Variants in PPARGC1B observed in about 807,000 individuals in gnomAD.
PPARGC1B encodes the protein PPARG coactivator 1 beta.
In PPARGC1B, 34 loss-of-function variants were observed where a neutral mutation model predicts 101.6. The observed-to-expected ratio is 0.33, with a 90% CI of 0.25 to 0.45. The LOEUF (loss-of-function observed/expected upper bound fraction) is 0.45, where lower values mean the gene tolerates loss of function less well. PPARGC1B is among the 20% of genes least tolerant of loss of function. The probability of loss-of-function intolerance (pLI) is 1.00; values close to 1 mark genes in which losing one functional copy is unlikely to be tolerated. For missense variants in PPARGC1B, 1,234 were observed against 1,317.6 expected (o/e 0.94, Z 0.98); for synonymous variants, 548 against 539.3 (o/e 1.02, Z -0.22).
chr5:149,744,333 A>G (rs1032886277), intron 1 of PPARGC1B, among the ~76,000 whole-genome samples: 5 of 152,206 alleles, frequency 3.3e-5, no homozygotes, highest in Non-Finnish European at 7.3e-5. Context: ...GTGTGTGCCT[A>G]TGTAGGCATG....
In PPARGC1B at chr5:149,846,063, A is replaced by C. The variant is rs45588333; in HGVS notation, c.2971+149A>C. On this transcript the variant is annotated intron_variant, in intron 11 of 11. Transcript: ENST00000309241. ...TGCTGCTTGGTATAACTTTGCAGCC[A>C]CTTTGCCTGAAGACTACCATCCTGT... 2.8e-3 allele frequency: 2,481 copies of C among 885,432 alleles called. 45 individuals carry two copies. The African/African-American group carries it at 0.036, about 13-fold the overall frequency. 54.8% of individuals were successfully genotyped at this position (885,432 alleles called of 1,614,324 possible).
intron 1 of PPARGC1B, among the ~76,000 whole-genome samples, chr5:149,800,181 T>G (rs550560524): frequency 2.6e-5 from 4 of 152,184 alleles, no homozygotes; most frequent in Admixed American, 6.5e-5. Flanking sequence ...CAATAATCTA[T>G]GGATATATGA....
At chr5:149,847,250 A>G in intron 11 of PPARGC1B, 1 of 700,896 alleles carries the variant, frequency 1.4e-6, no homozygotes, top group Non-Finnish European at 2.7e-6. Context: ...AGGACAGCCA[A>G]GGCCCTGAGA....
chr5:149,749,863 T>C (rs1391861815), intron 1 of PPARGC1B, among the ~76,000 whole-genome samples: 2 of 152,178 alleles, frequency 1.3e-5, no homozygotes, highest in African/African-American at 4.8e-5. Flanking sequence ...GGATTGTGAA[T>C]CATGGGGGCT....
At chr5:149,760,690 A>G (rs1481537432) in intron 1 of PPARGC1B, among the ~76,000 whole-genome samples, 1 of 152,170 alleles carries the variant, frequency 6.6e-6, no homozygotes, top group African/African-American at 2.4e-5. Context: ...CCTAGTAATG[A>G]TCTCATGCAC....
chr5:149,837,016 C>T lies in PPARGC1B; in HGVS notation c.2561C>T (p.Ser854Leu), dbSNP rs1759119956. 2 of 1,613,868 alleles carry T rather than the reference C, an allele frequency of 1.2e-6. No individual in the cohort carries two copies. The highest frequency in any genetic ancestry group is 1.7e-6 in the Non-Finnish European group (2 of 1,180,022). The change falls in exon 8 of 12, where the codon TCA (serine) becomes TTA (leucine). Residue 854 changes from serine to leucine, a missense_variant. Physicochemically the swap from Ser to Leu is moderately radical, Grantham distance 145 (BLOSUM62 -2). Coordinates refer to ENST00000309241, the MANE Select transcript of PPARGC1B (RefSeq NM_133263.4). The surrounding 1 kb of genome is among the most constrained non-coding windows in gnomAD (Gnocchi z 4.2). ...CGGCAGCTCTGTTCCCGCAGCCGCT[C>T]AAGCTCTGGCTCTTCACCCTGCCAC... ...ANRQLCSRSR[S>L]SSGSSPCHSW...
intron 1 of PPARGC1B, among the ~76,000 whole-genome samples, chr5:149,770,750 T>C (rs180954835): frequency 1.3e-5 from 2 of 151,814 alleles, no homozygotes; most frequent in East Asian, 3.9e-4. Context: ...GGAGAACTCT[T>C]GAGCCCAGGA....
chr5:149,833,462 G>A lies in PPARGC1B; in HGVS notation c.1389G>A (p.Thr463=), dbSNP rs372566469. 20 of 1,570,698 alleles carry A rather than the reference G, an allele frequency of 1.3e-5. No homozygotes were observed. Among genetic ancestry groups the A allele is most frequent in the Middle Eastern group, 3.4e-4 (2 of 5,852 alleles). The stretch of plus-strand genomic sequence containing the variant: ...GGCCAGGCCGAGGCCTGCCATGGAC[G>A]AAGCTGGGGAGGAAGCTGGAGAGCT... ...RKRPGRGLPW[T]KLGRKLESSV... is the part of the protein sequence containing the mutation. Residue 463 remains threonine, a synonymous_variant, in exon 5 of 12, where the codon ACG becomes ACA. Coordinates refer to ENST00000309241, the MANE Select transcript of PPARGC1B (RefSeq NM_133263.4). The surrounding 1 kb of genome is among the most constrained non-coding windows in gnomAD (Gnocchi z 4.1).
At chr5:149,822,984 ATGGAAACAAAC>A (rs1301081702) in intron 2 of PPARGC1B, among the ~76,000 whole-genome samples, 1 of 152,188 alleles carries the variant, frequency 6.6e-6, no homozygotes, top group Non-Finnish European at 1.5e-5. Context: ...CACCATTGTT[ATGGAAACAAAC>A]TGGGAGAGTA....
intron 2 of PPARGC1B, among the ~76,000 whole-genome samples, chr5:149,821,308 C>A (rs1291466443): frequency 6.6e-6 from 1 of 152,206 alleles, no homozygotes; most frequent in Non-Finnish European, 1.5e-5. Context: ...GCCCTGTGTG[C>A]TCCAGCGCCC....
rs1346115146 is a variant in PPARGC1B, at chr5:149,784,685, A to G, written c.79-35748A>G. On this transcript the variant is annotated intron_variant, in intron 1 of 11. Coordinates refer to ENST00000309241, the MANE Select transcript of PPARGC1B (RefSeq NM_133263.4). ...TGGGTTCACACCGTTCTCCCACCTCAGCCTCCCGAGTAGCTGGGACTACAG... is the reference window on the plus strand; with the variant it reads ...TGGGTTCACACCGTTCTCCCACCTCGGCCTCCCGAGTAGCTGGGACTACAG... Among the ~76,000 whole-genome samples the G allele has an allele frequency of 8.1e-5, 12 of 148,424 alleles. No homozygotes were observed. In the Admixed American group the frequency reaches 8.3e-4, roughly 10 times the overall value.
intron 1 of PPARGC1B, among the ~76,000 whole-genome samples, chr5:149,760,155 T>C (rs1026731939): frequency 6.6e-6 from 1 of 152,110 alleles, no homozygotes; most frequent in South Asian, 2.1e-4. Flanking sequence ...CTCAGCACCA[T>C]GGACACGAAT....
intron 1 of PPARGC1B, among the ~76,000 whole-genome samples, chr5:149,799,991 G>A (rs924372435): frequency 2.0e-5 from 3 of 152,016 alleles, no homozygotes; most frequent in Non-Finnish European, 2.9e-5. Context: ...GAGCCATTGC[G>A]CTTGGCTGGA....
In PPARGC1B at chr5:149,853,152, A is replaced by G. The variant is rs1581134999; in HGVS notation, c.*5594A>G. ...TGCTCATTGGTTACTTGTGAAGGGA[A>G]TTGGTCAGTTTCCACCTCAGCACTT... is the stretch of plus-strand genomic sequence containing the variant. On this transcript the variant is annotated 3_prime_UTR_variant, in exon 12 of 12. Transcript: ENST00000309241. This position sits in a 1 kb window ranked among gnomAD's most constrained non-coding sequence, Gnocchi z 4.2. The G allele has an allele frequency of 2.0e-5, 3 of 152,058 alleles. No homozygotes were observed. Among genetic ancestry groups the G allele is most frequent in the Admixed American group, 6.6e-5 (1 of 15,250 alleles). The allele number at this position is 152,058 out of a possible 1,614,324, so 9.4% of individuals were successfully genotyped here.
At chr5:149,816,321 G>T (rs1253933529) in intron 1 of PPARGC1B, among the ~76,000 whole-genome samples, 1 of 152,218 alleles carries the variant, frequency 6.6e-6, no homozygotes, top group Non-Finnish European at 1.5e-5. Flanking sequence ...TGGACATTTT[G>T]TAAAGGAGGC....
Position 149,832,864 on chromosome 5 carries a change from C to T in PPARGC1B, c.791C>T (p.Pro264Leu). ...CPSPQPAPAS[P>L]RDSLALGRAD... The stretch of plus-strand genomic sequence containing the variant: ...AGCCCCCAGCCAGCTCCAGCCTCTC[C>T]CCGGGACTCCCTAGCTCTGGGCAGG... The change falls in exon 5 of 12, where the codon CCC (proline) becomes CTC (leucine). Residue 264 changes from proline to leucine, a missense_variant. Transcript: ENST00000309241. This position sits in a 1 kb window ranked among gnomAD's most constrained non-coding sequence, Gnocchi z 4.9. 6.2e-7 allele frequency: 1 copy of T among 1,611,452 alleles called. No individual in the cohort carries two copies. Among genetic ancestry groups the T allele is most frequent in the African/African-American group, 1.3e-5 (1 of 75,022 alleles).
Position 149,837,154 on chromosome 5 carries a change from G to T in PPARGC1B, c.2618+81G>T. On this transcript the variant is annotated intron_variant, in intron 8 of 11. Transcript: ENST00000309241. This position sits in a 1 kb window ranked among gnomAD's most constrained non-coding sequence, Gnocchi z 4.2. The stretch of plus-strand genomic sequence containing the variant: ...GGGAGCCAGGAGCCCCAGGAGGGAG[G>T]ATCCCTGGGAAGCTTGCTCTGAAAC... 6.6e-7 allele frequency: 1 copy of T among 1,514,402 alleles called. No homozygotes were observed. The highest frequency in any genetic ancestry group is 2.2e-5 in the Admixed American group (1 of 45,170). 93.8% of individuals were successfully genotyped at this position (1,514,402 alleles called of 1,614,324 possible).
intron 1 of PPARGC1B, among the ~76,000 whole-genome samples, chr5:149,788,686 T>C (rs1267881067): frequency 6.6e-6 from 1 of 152,122 alleles, no homozygotes; most frequent in African/African-American, 2.4e-5. Flanking sequence ...CACATGTCCG[T>C]CAATAATAGA....
intron 11 of PPARGC1B, chr5:149,846,255 C>T (rs146642483): frequency 0.019 from 9,294 of 501,752 alleles, 128 homozygotes; most frequent in Non-Finnish European, 0.025. Flanking sequence ...CTGTCCCCTT[C>T]AGGGGCATTC....
Sources: gnomAD v4.1 joint callset for allele counts (sites outside exome capture counted in the v4.1 genomes callset) on GRCh38, gnomAD v4.1.1 for gene constraint, Gnocchi (gnomAD v3.1) non-coding constraint, MANE v1.5 for transcripts, NCBI Gene and HGNC (gene_info 2026-07-23, HGNC 2026-07-21) for gene names.